The following LAMA1 variants were observed in gnomAD, a reference collection of about 807,000 sequenced individuals.
LAMA1 encodes laminin subunit alpha-1.
A neutral mutation model predicts 348.7 loss-of-function variants in LAMA1; 219 were observed. The observed-to-expected ratio is 0.63, with a 90% CI of 0.56 to 0.70. LAMA1 has a LOEUF of 0.70. Ranked by LOEUF, LAMA1 falls within the 30% of genes least tolerant of loss-of-function variation. The pLI is 0.00. For synonymous variants in LAMA1, 1,487 were observed against 1,491.0 expected (o/e 1.00, Z 0.06); for missense variants, 3,744 against 3,888.0 (o/e 0.96, Z 0.99).
intron 19 of LAMA1, among the ~76,000 whole-genome samples, chr18:7,021,138 G>A (rs1021755190): frequency 5.3e-5 from 8 of 151,668 alleles, no homozygotes; most frequent in Non-Finnish European, 1.0e-4. Context: ...ACTCTTCTTG[G>A]GGCTCTTCTT....
chr18:7,064,970 T>A (rs1011345056), intron 3 of LAMA1, among the ~76,000 whole-genome samples: 1 of 152,146 alleles, frequency 6.6e-6, no homozygotes, highest in Non-Finnish European at 1.5e-5. Flanking sequence ...GCGCAGTGGC[T>A]CACGCCTGTA....
intron 16 of LAMA1, among the ~76,000 whole-genome samples, chr18:7,027,732 CA>C (rs2144151401): frequency 6.6e-6 from 1 of 152,246 alleles, no homozygotes; most frequent in Non-Finnish European, 1.5e-5. Context: ...CACCTGAGGT[CA>C]GGAGTTCGAG....
chr18:6,955,579 A>C, intron 56 of LAMA1, 114 bp from the exon 57 acceptor site: 1 of 742,168 alleles, frequency 1.3e-6, no homozygotes, highest in Non-Finnish European at 2.4e-6. Flanking sequence ...GAACAGCAAC[A>C]ACCACCAGTG....
intron 3 of LAMA1, among the ~76,000 whole-genome samples, chr18:7,056,114 G>C (rs1026749202): frequency 2.8e-4 from 43 of 152,070 alleles, no homozygotes; most frequent in African/African-American, 9.6e-4. Context: ...AATGTGTTCG[G>C]GGCTTTGACA....
At chr18:7,015,265 T>C (rs1413345226) in intron 22 of LAMA1, among the ~76,000 whole-genome samples, 1 of 152,068 alleles carries the variant, frequency 6.6e-6, no homozygotes, top group Admixed American at 6.5e-5. Flanking sequence ...CATTAAGGTG[T>C]ATTGTTTTTG....
chr18:6,959,310 C>T, intron 54 of LAMA1, 31 bp downstream of exon 54: 2 of 1,614,018 alleles, frequency 1.2e-6, no homozygotes, highest in East Asian at 2.2e-5. Context: ...ACCACACCTT[C>T]ATTACACACT....
chr18:6,995,572 T>A, intron 33 of LAMA1, 126 bp from the exon 34 acceptor site: 1 of 680,528 alleles, frequency 1.5e-6, no homozygotes, highest in Non-Finnish European at 2.6e-6. Context: ...AACTGTCATT[T>A]TAAAAAAAAA....
At chr18:6,976,596 T>G (rs1295118352) in intron 44 of LAMA1, among the ~76,000 whole-genome samples, 1 of 116,182 alleles carries the variant, frequency 8.6e-6, no homozygotes, top group Admixed American at 7.9e-5. Context: ...TTATATTTAT[T>G]TATTTATTTA....
At chr18:6,988,820 A>AAG (rs2057746720) in intron 36 of LAMA1, among the ~76,000 whole-genome samples, 1 of 151,646 alleles carries the variant, frequency 6.6e-6, no homozygotes, top group Non-Finnish European at 1.5e-5. Flanking sequence ...AAAAAAAAAA[A>AAG]AAAAAAAAAA....
intron 1 of LAMA1, among the ~76,000 whole-genome samples, chr18:7,097,364 G>A (rs1334651564): frequency 2.0e-5 from 3 of 152,092 alleles, no homozygotes; most frequent in African/African-American, 7.2e-5. Context: ...AATTTTGGGG[G>A]AGAAATTAGA....
chr18:6,984,552 G>A (rs575637836), intron 39 of LAMA1, among the ~76,000 whole-genome samples: 143 of 152,314 alleles, frequency 9.4e-4, no homozygotes, highest in African/African-American at 3.3e-3. Flanking sequence ...GGGGAAGGCA[G>A]CTAAAGGACA....
intron 1 of LAMA1, among the ~76,000 whole-genome samples, chr18:7,085,493 A>G (rs1764069518): frequency 3.0e-5 from 4 of 134,090 alleles, no homozygotes; most frequent in Non-Finnish European, 6.1e-5. Context: ...ATCTCCGCTC[A>G]CTGCAAGCTC....
intron 46 of LAMA1, 25 bp downstream of exon 46, chr18:6,974,878 G>A (rs376080305): frequency 1.9e-6 from 3 of 1,613,750 alleles, no homozygotes; most frequent in Non-Finnish European, 1.7e-6. Flanking sequence ...AAAGAGAGCT[G>A]CTTTGAGAGA....
intron 16 of LAMA1, 105 bp from the exon 17 acceptor site, chr18:7,026,211 TA>T: frequency 7.1e-7 from 1 of 1,404,246 alleles, no homozygotes; most frequent in Admixed American, 2.0e-5. Flanking sequence ...GACAAAATGC[TA>T]AAACCAGTCA....
chr18:7,012,293 G>C (rs945615233), intron 23 of LAMA1, among the ~76,000 whole-genome samples, 155 bp from the exon 24 acceptor site: 1 of 152,018 alleles, frequency 6.6e-6, no homozygotes, highest in African/African-American at 2.4e-5. Flanking sequence ...CTTTCTGAGT[G>C]TCAGTTTTCT....
Position 6,999,548 on chromosome 18 carries a change from G to T in LAMA1, c.4560C>A (p.Asp1520Glu). ...DCNPHGSVHG[D>E]CDRTSGQCVC... is the part of the protein sequence containing the mutation. Reference sequence around the variant, plus strand: ...CGCACTGCCCAGATGTGCGGTCACAGTCACCGTGGACAGAGCCGTGCGGGT... The same window carrying T: ...CGCACTGCCCAGATGTGCGGTCACATTCACCGTGGACAGAGCCGTGCGGGT... The change falls in exon 32 of 63, where the codon GAC becomes GAA. Residue 1520 changes from aspartate to glutamate, a missense_variant. By Grantham distance (45) the Asp-to-Glu change is conservative (BLOSUM62 2). This residue lies in a region of LAMA1 where 1,983 missense variants were observed against 1,934.3 expected (regional missense o/e 1.03). Transcript: ENST00000389658. 6.2e-7 allele frequency: 1 copy of T among 1,614,156 alleles called. No homozygotes were observed. Among genetic ancestry groups the T allele is most frequent in the Non-Finnish European group, 8.5e-7 (1 of 1,180,040 alleles).
At chr18:6,999,790 A>C in intron 31 of LAMA1, 121 bp downstream of exon 31, 1 of 1,181,894 alleles carries the variant, frequency 8.5e-7, no homozygotes, top group African/African-American at 1.5e-5. Context: ...TCTTATTTCA[A>C]TCAAGCACAT....
At position 6,993,755 on chromosome 18, in the gene LAMA1, G is replaced by C; in HGVS notation, c.4897-3C>G. 1 of 1,564,450 alleles carries C rather than the reference G, an allele frequency of 6.4e-7. No individual in the cohort carries two copies. The highest frequency in any genetic ancestry group is 1.3e-5 in the African/African-American group (1 of 74,110). On this transcript the variant is annotated splice_region_variant and splice_polypyrimidine_tract_variant and intron_variant, in intron 34 of 62. Coordinates refer to ENST00000389658, the MANE Select transcript of LAMA1 (RefSeq NM_005559.4). ...GTACTCGCTAACATCCTAGTGAGCT[G>C]GTGGAAAAATAAAGTCTCAGGTTAG... is the stretch of plus-strand genomic sequence containing the variant.
chr18:7,117,353 G>C (rs2058361615), intron 1 of LAMA1, among the ~76,000 whole-genome samples: 1 of 151,762 alleles, frequency 6.6e-6, no homozygotes, highest in South Asian at 2.1e-4. Flanking sequence ...AGCACTGCTC[G>C]CGTAGATGGC....
Sources: allele counts gnomAD v4.1 joint callset (sites outside exome capture counted in the v4.1 genomes callset), GRCh38; gene constraint gnomAD v4.1.1; regional missense constraint gnomAD v4.1.1; transcripts MANE v1.5; gene names NCBI Gene and HGNC (gene_info 2026-07-23, HGNC 2026-07-21).